Variants in HDGFL2 observed in about 807,000 individuals in gnomAD.
HDGFL2 encodes the protein hepatoma-derived growth factor-related protein 2.
A neutral mutation model predicts 77.1 loss-of-function variants in HDGFL2; 36 were observed. That is an observed-to-expected ratio of 0.47 (90% CI 0.36 to 0.62). The LOEUF is 0.62. HDGFL2 is among the 20% of genes least tolerant of loss of function. The probability of loss-of-function intolerance (pLI) is 0.00; values close to 1 mark genes in which losing one functional copy is unlikely to be tolerated. For missense variants in HDGFL2, 976 were observed against 973.4 expected, an observed-to-expected ratio of 1.00 and a Z score of -0.04; for synonymous variants, 463 against 413.1, an observed-to-expected ratio of 1.12 and a Z score of -1.46.
chr19:4,493,590 G>A, intron 6 of HDGFL2, 113 bp from the exon 7 acceptor site: 4 of 1,252,028 alleles, frequency 3.2e-6, no homozygotes, highest in Non-Finnish European at 4.1e-6. Flanking sequence ...GCCCTGAGCC[G>A]AGGCCCGCAG....
At chr19:4,473,495 G>A (rs1325726934) in intron 1 of HDGFL2, among the ~76,000 whole-genome samples, 1 of 151,980 alleles carries the variant, frequency 6.6e-6, no homozygotes, top group Non-Finnish European at 1.5e-5. Flanking sequence ...TCAAGTTTGA[G>A]CAGAACTGCG....
chr19:4,475,380 TCTC>T (rs1327122299), intron 2 of HDGFL2, 29 bp downstream of exon 2: 1 of 1,614,028 alleles, frequency 6.2e-7, no homozygotes, highest in Non-Finnish European at 8.5e-7. Context: ...GGCTTGGTTT[TCTC>T]CTCTGGTGCC....
intron 1 of HDGFL2, chr19:4,475,044 C>T (rs933749659): frequency 4.4e-5 from 24 of 549,304 alleles, no homozygotes; most frequent in Non-Finnish European, 7.2e-5. Flanking sequence ...GAGCACCTGC[C>T]CTGGGGCCAG....
chr19:4,493,112 GT>G (rs1975583290), intron 6 of HDGFL2, among the ~76,000 whole-genome samples: 4 of 141,010 alleles, frequency 2.8e-5, no homozygotes, highest in African/African-American at 5.4e-5. Flanking sequence ...TGGTGTGTGT[GT>G]TGTCTGTGTG....
At chr19:4,479,182 G>A (rs1181935619) in intron 3 of HDGFL2, among the ~76,000 whole-genome samples, 2 of 151,456 alleles carry the variant, frequency 1.3e-5, no homozygotes, top group Non-Finnish European at 2.9e-5. Flanking sequence ...AAGATTAGCC[G>A]GGCTCACGCC....
intron 3 of HDGFL2, among the ~76,000 whole-genome samples, chr19:4,484,225 A>C (rs922946506): frequency 2.6e-5 from 4 of 151,686 alleles, no homozygotes; most frequent in African/African-American, 9.7e-5. Context: ...CTGGGACTAC[A>C]GGCGCCTGCC....
Position 4,491,667 on chromosome 19 carries a change from G to A in HDGFL2, c.591G>A (p.Glu197=), listed in dbSNP as rs1488389892. ...ACTCGGAAAGCTCATCTGAGTCGGA[G>A]AAGACCAGCGACCAGGTGGGCCAGT... ...EENSESSSES[E]KTSDQDFTPE... is the part of the protein sequence containing the mutation. Residue 197 remains glutamate (E), a synonymous_variant, in exon 5 of 16, where the codon GAG becomes GAA. Transcript: ENST00000616600. 5.6e-6 allele frequency: 9 copies of A among 1,613,936 alleles called. No individual in the cohort carries two copies. Among genetic ancestry groups the A allele is most frequent in the African/African-American group, 1.3e-5 (1 of 74,944 alleles).
intron 6 of HDGFL2, among the ~76,000 whole-genome samples, chr19:4,493,224 T>G (rs1975592635): frequency 1.5e-5 from 2 of 134,936 alleles, no homozygotes; most frequent in African/African-American, 2.9e-5. Flanking sequence ...TGTGGTGTGG[T>G]GTGTGGTATC....
At position 4,491,675 on chromosome 19, in the gene HDGFL2, G is replaced by T. The variant is rs748070612; in HGVS notation, c.599G>T (p.Ser200Ile). The stretch of plus-strand genomic sequence containing the variant: ...AGCTCATCTGAGTCGGAGAAGACCA[G>T]CGACCAGGTGGGCCAGTGGCTCCTT... ...SESSSESEKT[S>I]DQDFTPEKKA... Residue 200 changes from serine (S) to isoleucine (I), a missense_variant, in exon 5 of 16, where the codon AGC (serine) becomes ATC (isoleucine). Transcript: ENST00000616600. 1 of 1,614,096 alleles carries T rather than the reference G, an allele frequency of 6.2e-7. No individual in the cohort carries two copies. The highest frequency in any genetic ancestry group is 1.1e-5 in the South Asian group (1 of 91,090).
Position 4,472,458 on chromosome 19 carries a change from G to A in HDGFL2, c.72+36G>A. 3 of 449,602 alleles carry A rather than the reference G, an allele frequency of 6.7e-6. 1 individual carries two copies. In the East Asian group the frequency reaches 1.1e-4, roughly 17 times the overall value. The allele number at this position is 449,602 out of a possible 1,614,324, so 27.9% of individuals were successfully genotyped here. A position where few individuals can be genotyped will look rare whatever the true frequency, so the allele number is the denominator to read the frequency against. On this transcript the variant is annotated intron_variant, in intron 1 of 15. Transcript: ENST00000616600. ...GCGGGAGATGGGGCCGGTGGGGGGG[G>A]GGGGGGGGGCAGCGGGGGCCCCGGG...
At position 4,496,389 on chromosome 19, in the gene HDGFL2, G is replaced by A. The variant is rs1975703503; in HGVS notation, c.1312G>A (p.Glu438Lys). Reference sequence around the variant, plus strand: ...GAAGGAGAAGAGAGTGCGGCCCGAGGAGAAGCAACAAGCCAAGTGAGCCCT... The same window carrying A: ...GAAGGAGAAGAGAGTGCGGCCCGAGAAGAAGCAACAAGCCAAGTGAGCCCT... ...GQKEKRVRPE[E>K]KQQAKPVKVE... Residue 438 changes from glutamate to lysine, a missense_variant, in exon 10 of 16, where the codon GAG becomes AAG. This residue lies in a region of HDGFL2 where 567 missense variants were observed against 534.7 expected (regional missense o/e 1.06). Coordinates refer to ENST00000616600, the MANE Select transcript of HDGFL2 (RefSeq NM_001001520.3). 7.4e-6 allele frequency: 12 copies of A among 1,613,816 alleles called. No individual in the cohort carries two copies. Among genetic ancestry groups the A allele is most frequent in the Non-Finnish European group, 9.3e-6 (11 of 1,179,850 alleles).
chr19:4,472,462 G>T (rs61007596), intron 1 of HDGFL2, 40 bp downstream of exon 1: 64 of 395,028 alleles, frequency 1.6e-4, no homozygotes, highest in Non-Finnish European at 2.1e-4. Context: ...GGGGGGGGGG[G>T]GGGGGCAGCG....
At chr19:4,493,292 TGTGTGTGTG>T (rs1237652953) in intron 6 of HDGFL2, among the ~76,000 whole-genome samples, 9 of 143,446 alleles carry the variant, frequency 6.3e-5, no homozygotes, top group Admixed American at 5.5e-4. Flanking sequence ...CTGTGTGTGG[TGTGTGTGTG>T]GTGTGTGTGT....
intron 9 of HDGFL2, among the ~76,000 whole-genome samples, 183 bp downstream of exon 9, chr19:4,494,658 G>A (rs1031356517): frequency 2.0e-5 from 3 of 152,318 alleles, no homozygotes; most frequent in East Asian, 1.9e-4. Flanking sequence ...GGTGGCTCAC[G>A]CCTGTTATCC....
At position 4,494,405 on chromosome 19, in the gene HDGFL2, G is replaced by A. The variant is rs565996046; in HGVS notation, c.1154G>A (p.Gly385Glu). 7.8e-6 allele frequency: 11 copies of A among 1,405,058 alleles called. No homozygotes were observed. Among genetic ancestry groups the A allele is most frequent in the African/African-American group, 1.5e-5 (1 of 65,788 alleles). The allele number at this position is 1,405,058 out of a possible 1,614,324, so 87.0% of individuals were successfully genotyped here. ...GACGATGAGCCCGTCAAGAAGCGGG[G>A]ACGCAAGGGCCGGGGCCGGGGTCCC... ...REDDEPVKKRGRKGRGRGPPS... is the reference protein window; with the variant it reads ...REDDEPVKKRERKGRGRGPPS... Residue 385 changes from glycine (G) to glutamate (E), a missense_variant, in exon 9 of 16, where the codon GGA (glycine) becomes GAA (glutamate). Physicochemically the swap from Gly to Glu is moderately conservative, Grantham distance 98. Around this residue, in one of 5 missense-constraint regions of HDGFL2, gnomAD observed 567 missense variants for 534.7 expected, o/e 1.06. Transcript: ENST00000616600.
At chr19:4,482,413 T>C (rs1975244222) in intron 3 of HDGFL2, among the ~76,000 whole-genome samples, 1 of 152,104 alleles carries the variant, frequency 6.6e-6, no homozygotes, top group Admixed American at 6.6e-5. Flanking sequence ...TTTCACCATA[T>C]TGGCCAGGCT....
intron 10 of HDGFL2, chr19:4,497,659 CGCTGACTCTG>C (rs2145212486): frequency 2.2e-6 from 1 of 457,336 alleles, no homozygotes; most frequent in African/African-American, 2.0e-5. Flanking sequence ...TTTCCTAGCT[CGCTGACTCTG>C]GTAGACAAAG....
chr19:4,499,723 G>A lies in HDGFL2; in HGVS notation c.1789+19G>A, dbSNP rs1299143579. 2.0e-6 allele frequency: 3 copies of A among 1,513,512 alleles called. No homozygotes were observed. Among genetic ancestry groups the A allele is most frequent in the African/African-American group, 1.4e-5 (1 of 73,150 alleles). 93.8% of individuals were successfully genotyped at this position (1,513,512 alleles called of 1,614,324 possible). ...AGCACCGGTGAGGGGCGGGTGGGGT[G>A]GGCCCTGTACCTCAGTCTCCTCAGC... is the stretch of plus-strand genomic sequence containing the variant. On this transcript the variant is annotated intron_variant, in intron 14 of 15. Coordinates refer to ENST00000616600, the MANE Select transcript of HDGFL2 (RefSeq NM_001001520.3).
chr19:4,499,122 C>T (rs1174425970), intron 13 of HDGFL2, among the ~76,000 whole-genome samples: 6 of 151,516 alleles, frequency 4.0e-5, no homozygotes, highest in Non-Finnish European at 5.9e-5. Flanking sequence ...CTGAGGCAGG[C>T]GGATCACGAG....
Sources: allele counts gnomAD v4.1 joint callset (sites outside exome capture counted in the v4.1 genomes callset), GRCh38; gene constraint gnomAD v4.1.1; regional missense constraint gnomAD v4.1.1; transcripts MANE v1.5; gene names NCBI Gene and HGNC (gene_info 2026-07-23, HGNC 2026-07-21).